The following CLDN16 variants were observed in gnomAD, a reference collection of about 807,000 sequenced individuals.
The protein encoded by CLDN16 is claudin-16.
CLDN16 carries 13 observed loss-of-function variants against 24.6 expected under a neutral mutation model. The ratio of observed to expected loss-of-function variants is 0.53; its 90% CI spans 0.34 to 0.84. CLDN16 has a LOEUF of 0.84. CLDN16 is among the 40% of genes least tolerant of loss of function. CLDN16 has a pLI of 0.01. For missense variants in CLDN16, 298 were observed against 292.7 expected, an observed-to-expected ratio of 1.02 and a Z score of -0.13; for synonymous variants, 116 against 106.7, an observed-to-expected ratio of 1.09 and a Z score of -0.54.
At chr3:190,308,085 GAAGAT>G in the CLDN16 span, 1 of 628,066 alleles carries the variant, frequency 1.6e-6, no homozygotes, top group Non-Finnish European at 2.7e-6. Context: ...ATTGAGGAAA[GAAGAT>G]AAAATAAGAT....
chr3:190,322,173 T>G, upstream of CLDN16: 1 of 1,614,058 alleles, frequency 6.2e-7, no homozygotes, highest in Non-Finnish European at 8.5e-7. Context: ...AAGGCGAGAA[T>G]GAAGCCCAAC....
chr3:190,304,285 G>A, the CLDN16 span, among the ~76,000 whole-genome samples: 368 of 152,208 alleles, frequency 2.4e-3, 2 homozygotes, highest in Non-Finnish European at 4.1e-3. Flanking sequence ...GTGGCAGAAC[G>A]AGTGCTATGT....
upstream of CLDN16, among the ~76,000 whole-genome samples, chr3:190,387,417 A>G (rs534374364): frequency 2.6e-4 from 40 of 152,316 alleles, no homozygotes; most frequent in Non-Finnish European, 4.0e-4. Context: ...GGGAAAAGTA[A>G]TAATATAGGA....
chr3:190,294,304 A>G, the CLDN16 span, among the ~76,000 whole-genome samples: 2 of 152,342 alleles, frequency 1.3e-5, no homozygotes, highest in Admixed American at 1.3e-4. Context: ...TTAAGCTGCT[A>G]GTATTAAATA....
intron 2 of CLDN16, 104 bp from the exon 3 acceptor site, chr3:190,404,658 G>T (rs745357744): frequency 7.6e-5 from 80 of 1,055,826 alleles, no homozygotes; most frequent in Non-Finnish European, 1.1e-4. Flanking sequence ...TACCGGAGGG[G>T]TGTGTTAATG....
upstream of CLDN16, among the ~76,000 whole-genome samples, chr3:190,387,462 A>G (rs1718531886): frequency 2.6e-5 from 4 of 152,282 alleles, no homozygotes; most frequent in South Asian, 2.1e-4. Flanking sequence ...CCATTTAGCT[A>G]TTACTGACAG....
At chr3:190,320,000 G>C (rs1046860672), upstream of CLDN16, among the ~76,000 whole-genome samples, 2 of 152,176 alleles carry the variant, frequency 1.3e-5, no homozygotes, top group African/African-American at 4.8e-5. Flanking sequence ...GATAAACTAT[G>C]GCTTTAAGTA....
rs567332859 is a variant in CLDN16, at chr3:190,345,874, T to C, written n.121+23213T>C. Among the ~76,000 whole-genome samples the C allele has an allele frequency of 2.6e-4, 39 of 152,286 alleles. No individual in the cohort carries two copies. In the South Asian group the frequency reaches 7.9e-3, roughly 31 times the overall value. On this transcript the variant is annotated intron_variant and non_coding_transcript_variant, in intron 1 of 4. Coordinates refer to the CLDN16 transcript ENST00000468220. ...AACTGTATGTTTATTACTGTATTGA[T>C]TACATTGTATTGAAATAATCTTATT...
intron 1 of CLDN16, among the ~76,000 whole-genome samples, chr3:190,357,161 C>T (rs1247142535): frequency 1.3e-5 from 2 of 151,916 alleles, no homozygotes; most frequent in Non-Finnish European, 2.9e-5. Flanking sequence ...AATGTTCCTA[C>T]AGGATTAACA....
chr3:190,375,042 G>A (rs1416248592), intron 3 of CLDN16, among the ~76,000 whole-genome samples: 1 of 151,794 alleles, frequency 6.6e-6, no homozygotes, highest in African/African-American at 2.4e-5. Flanking sequence ...AACTTTTAAA[G>A]GTACCTTGTG....
intron 3 of CLDN16, among the ~76,000 whole-genome samples, chr3:190,406,739 C>CTTTTT (rs35773061): frequency 7.4e-5 from 8 of 107,430 alleles, no homozygotes; most frequent in Non-Finnish European, 1.1e-4. Context: ...TATTATCTGG[C>CTTTTT]TTTTTTTTTT....
At chr3:190,382,243 C>T (rs1009393429) in intron 3 of CLDN16, among the ~76,000 whole-genome samples, 1 of 152,028 alleles carries the variant, frequency 6.6e-6, no homozygotes, top group Non-Finnish European at 1.5e-5. Context: ...ACTCAAAACA[C>T]CCCCCATTGC....
chr3:190,350,501 A>T (rs1717649056), intron 1 of CLDN16, among the ~76,000 whole-genome samples: 1 of 152,176 alleles, frequency 6.6e-6, no homozygotes, highest in Non-Finnish European at 1.5e-5. Flanking sequence ...TGTTGAAAAA[A>T]GTATTCGATA....
chr3:190,292,358 G>A, the CLDN16 span, among the ~76,000 whole-genome samples: 1 of 152,154 alleles, frequency 6.6e-6, no homozygotes, highest in East Asian at 1.9e-4. Context: ...GCCCCTTTTA[G>A]CCACAGCTGG....
chr3:190,380,411 T>C (rs1416759985), intron 3 of CLDN16, among the ~76,000 whole-genome samples: 2 of 152,040 alleles, frequency 1.3e-5, no homozygotes, highest in African/African-American at 4.8e-5. Context: ...GATATCAATT[T>C]GGGCTTCACA....
At chr3:190,326,006 T>A (rs879481328) in intron 1 of CLDN16, among the ~76,000 whole-genome samples, 1 of 152,054 alleles carries the variant, frequency 6.6e-6, no homozygotes, top group African/African-American at 2.4e-5. Flanking sequence ...CTCCTTGGAG[T>A]CTTTGAGAGG....
chr3:190,350,344 T>TTATATATA lies in CLDN16; in HGVS notation n.122-20534_122-20527dup, dbSNP rs10563626. Among the ~76,000 whole-genome samples, 939 of 142,040 alleles carry TTATATATA rather than the reference T, an allele frequency of 6.6e-3. 19 individuals carry two copies. The highest frequency in any genetic ancestry group is 0.024 in the African/African-American group (914 of 38,784). 93.2% of individuals were successfully genotyped at this position (142,040 alleles called of 152,430 possible). The stretch of plus-strand genomic sequence containing the variant: ...AGTTTAAGAATCATAGTTCATAATG[T>TTATATATA]TATATATATATATATATATATACTT... On this transcript the variant is annotated intron_variant and non_coding_transcript_variant, in intron 1 of 4. Transcript: ENST00000468220.
chr3:190,290,623 C>A, the CLDN16 span, among the ~76,000 whole-genome samples: 1 of 152,068 alleles, frequency 6.6e-6, no homozygotes. Context: ...TCTTCTTTTG[C>A]CAACTATCTC....
chr3:190,395,461 T>G (rs1224383969), intron 1 of CLDN16, among the ~76,000 whole-genome samples: 4 of 152,058 alleles, frequency 2.6e-5, no homozygotes, highest in African/African-American at 9.6e-5. Flanking sequence ...AAATATAATA[T>G]AAAATGTAAA....
Sources: gnomAD v4.1 joint callset for allele counts (sites outside exome capture counted in the v4.1 genomes callset) on GRCh38, gnomAD v4.1.1 for gene constraint, MANE v1.5 for transcripts, NCBI Gene and HGNC (gene_info 2026-07-23, HGNC 2026-07-21) for gene names.